CTNND2: variants seen among roughly 807,000 people sequenced by gnomAD.
The protein encoded by CTNND2 is catenin delta-2.
A neutral mutation model predicts 144.4 loss-of-function variants in CTNND2; 22 were observed. That is an observed-to-expected ratio of 0.15 (90% confidence interval 0.11 to 0.22). The LOEUF (loss-of-function observed/expected upper bound fraction) is 0.22, where lower values mean the gene tolerates loss of function less well. Ranked by LOEUF, CTNND2 falls within the 10% of genes least tolerant of loss-of-function variation. CTNND2 has a pLI of 1.00. For missense variants in CTNND2, 1,353 were observed against 1,618.8 expected, an observed-to-expected ratio of 0.84 and a Z score of 2.82; for synonymous variants, 751 against 695.6, an observed-to-expected ratio of 1.08 and a Z score of -1.25.
intron 16 of CTNND2, among the ~76,000 whole-genome samples, chr5:11,033,172 T>C (rs932268769): frequency 6.6e-6 from 1 of 152,204 alleles, no homozygotes; most frequent in African/African-American, 2.4e-5. Flanking sequence ...AAACATGTGC[T>C]GACAAAAAGG....
chr5:11,376,662 C>T (rs1047884160), intron 7 of CTNND2, among the ~76,000 whole-genome samples: 5 of 152,164 alleles, frequency 3.3e-5, no homozygotes, highest in Non-Finnish European at 7.3e-5. Flanking sequence ...CTTGTACTAT[C>T]TAATGTAAAC....
At chr5:11,229,370 T>C (rs1184682137) in intron 10 of CTNND2, among the ~76,000 whole-genome samples, 3 of 152,130 alleles carry the variant, frequency 2.0e-5, no homozygotes, top group Non-Finnish European at 4.4e-5. Context: ...CAAAATAAAA[T>C]ATTTAGCTGG....
chr5:11,405,439 C>T (rs1003250369), intron 5 of CTNND2, among the ~76,000 whole-genome samples: 3 of 151,952 alleles, frequency 2.0e-5, no homozygotes, highest in Admixed American at 6.6e-5. Flanking sequence ...GAAATTAGGC[C>T]GGAGCAGTGG....
At chr5:11,497,074 G>A (rs1770024699) in intron 3 of CTNND2, among the ~76,000 whole-genome samples, 1 of 152,172 alleles carries the variant, frequency 6.6e-6, no homozygotes, top group South Asian at 2.1e-4. Context: ...GTCCCTTGAT[G>A]AAGGAAGAAT....
At chr5:11,516,062 GCACACTGCACTC>G (rs1172333034) in intron 3 of CTNND2, among the ~76,000 whole-genome samples, 1 of 151,940 alleles carries the variant, frequency 6.6e-6, no homozygotes, top group Non-Finnish European at 1.5e-5. Flanking sequence ...TGCCATGAAT[GCACACTGCACTC>G]CAGTCTGGGT....
intron 9 of CTNND2, among the ~76,000 whole-genome samples, chr5:11,339,891 A>T (rs1311317189): frequency 6.6e-6 from 1 of 152,232 alleles, no homozygotes; most frequent in East Asian, 1.9e-4. Context: ...TTCTTATGGT[A>T]GCCCTAATGG....
intron 2 of CTNND2, among the ~76,000 whole-genome samples, chr5:11,648,950 G>A (rs1316846401): frequency 6.6e-6 from 1 of 152,184 alleles, no homozygotes; most frequent in East Asian, 1.9e-4. Context: ...ATTAATTGCT[G>A]TAGATGGATA....
intron 9 of CTNND2, among the ~76,000 whole-genome samples, chr5:11,272,619 T>C (rs1746137765): frequency 1.3e-5 from 2 of 152,144 alleles, no homozygotes; most frequent in Admixed American, 6.6e-5. Flanking sequence ...AACTCCATCG[T>C]AGGTGGTCCC....
chr5:11,448,932 G>A (rs971586046), intron 3 of CTNND2, among the ~76,000 whole-genome samples: 1 of 151,866 alleles, frequency 6.6e-6, no homozygotes, highest in Non-Finnish European at 1.5e-5. Context: ...TGAATTCTGG[G>A]GCTCAAGTGA....
chr5:10,978,917 T>C (rs535892328), intron 21 of CTNND2, among the ~76,000 whole-genome samples: 1 of 152,380 alleles, frequency 6.6e-6, no homozygotes, highest in South Asian at 2.1e-4. Context: ...AGAGCCATTA[T>C]AGACTGTCCT....
intron 9 of CTNND2, among the ~76,000 whole-genome samples, chr5:11,294,048 T>C (rs1748635501): frequency 6.6e-6 from 1 of 151,598 alleles, no homozygotes; most frequent in Non-Finnish European, 1.5e-5. Flanking sequence ...TAGTAAGCCA[T>C]GATCTGCCCT....
At chr5:11,356,225 A>C (rs75378008) in intron 8 of CTNND2, among the ~76,000 whole-genome samples, 1 of 151,860 alleles carries the variant, frequency 6.6e-6, no homozygotes, top group African/African-American at 2.4e-5. Context: ...AAACAAAAAA[A>C]GGCCCTTAAG....
Position 10,972,053 on chromosome 5 carries a change from C to T in CTNND2, c.*1400G>A, listed in dbSNP as rs61752754. 4 of 152,614 alleles carry T rather than the reference C, an allele frequency of 2.6e-5. No individual in the cohort carries two copies. Among genetic ancestry groups the T allele is most frequent in the Admixed American group, 6.5e-5 (1 of 15,290 alleles). 9.5% of individuals were successfully genotyped at this position (152,614 alleles called of 1,614,324 possible). On this transcript the variant is annotated 3_prime_UTR_variant, in exon 22 of 22. Transcript: ENST00000304623. Reference sequence around the variant, plus strand: ...ATCTATTCCATAGTTGTGTACTGCTCCCTGCCACATGAACAAAAAGTTTGG... The same window carrying T: ...ATCTATTCCATAGTTGTGTACTGCTTCCTGCCACATGAACAAAAAGTTTGG...
At chr5:11,535,780 C>A (rs578217909) in intron 3 of CTNND2, among the ~76,000 whole-genome samples, 19 of 152,192 alleles carry the variant, frequency 1.2e-4, no homozygotes, top group Non-Finnish European at 2.4e-4. Flanking sequence ...CCCGGTGTTA[C>A]AAGCATGAGG....
intron 1 of CTNND2, among the ~76,000 whole-genome samples, chr5:11,791,168 T>C (rs1464879583): frequency 6.6e-6 from 1 of 152,198 alleles, no homozygotes; most frequent in African/African-American, 2.4e-5. Context: ...AGAGGGAACA[T>C]GGCTGTGCCA....
chr5:11,156,019 G>T (rs565331611), intron 12 of CTNND2, among the ~76,000 whole-genome samples: 1 of 152,270 alleles, frequency 6.6e-6, no homozygotes, highest in Non-Finnish European at 1.5e-5. Context: ...ACCTGGAGGT[G>T]GTAGGGAATG....
intron 12 of CTNND2, among the ~76,000 whole-genome samples, chr5:11,125,660 G>A (rs563043018): frequency 2.2e-4 from 34 of 152,352 alleles, no homozygotes; most frequent in South Asian, 1.9e-3. Context: ...AGTGTCTCCC[G>A]CAAATGTGTG....
intron 1 of CTNND2, among the ~76,000 whole-genome samples, chr5:11,839,340 G>A (rs891569624): frequency 6.6e-6 from 1 of 152,154 alleles, no homozygotes; most frequent in African/African-American, 2.4e-5. Context: ...ATTGACTTGT[G>A]GGTCATCAAA....
At chr5:11,058,766 G>A (rs895651470) in intron 16 of CTNND2, among the ~76,000 whole-genome samples, 16 of 150,156 alleles carry the variant, frequency 1.1e-4, no homozygotes, top group African/African-American at 4.9e-5. Flanking sequence ...CTGGGAGGGA[G>A]GCTATCCCCT....
Sources: allele counts gnomAD v4.1 joint callset (sites outside exome capture counted in the v4.1 genomes callset), GRCh38; gene constraint gnomAD v4.1.1; transcripts MANE v1.5; gene names NCBI Gene and HGNC (gene_info 2026-07-23, HGNC 2026-07-21).